Variants in PTPN4 observed in about 807,000 individuals in gnomAD.
PTPN4 encodes the protein protein tyrosine phosphatase non-receptor type 4, also known as tyrosine-protein phosphatase non-receptor type 4.
Under a neutral mutation model 135.5 loss-of-function variants are expected in PTPN4, and 49 were observed. The observed-to-expected ratio is 0.36, with a 90% CI of 0.29 to 0.46. The LOEUF (loss-of-function observed/expected upper bound fraction) is 0.46. PTPN4 is among the 20% of genes least tolerant of loss of function. The pLI is 1.00. For synonymous variants in PTPN4, 333 were observed against 369.9 expected (o/e 0.90, Z 1.14); for missense variants, 860 against 1,101.0 (o/e 0.78, Z 3.10).
intron 2 of PTPN4, among the ~76,000 whole-genome samples, chr2:119,822,362 C>A (rs901675534): frequency 3.1e-5 from 4 of 130,434 alleles, no homozygotes; most frequent in Admixed American, 8.2e-5. Context: ...CCCTCCCCCC[C>A]CCTTTTTTTT....
At chr2:119,817,396 C>G (rs907757016) in intron 2 of PTPN4, among the ~76,000 whole-genome samples, 1 of 151,258 alleles carries the variant, frequency 6.6e-6, no homozygotes, top group Non-Finnish European at 1.5e-5. Flanking sequence ...TCTGGCTGCC[C>G]TTAACATATT....
At chr2:119,844,916 G>A (rs1677464524) in intron 2 of PTPN4, among the ~76,000 whole-genome samples, 1 of 151,480 alleles carries the variant, frequency 6.6e-6, no homozygotes, top group Non-Finnish European at 1.5e-5. Context: ...GGGAGGTGTA[G>A]GTTGTAGTGA....
At chr2:119,905,645 A>C (rs1470050231) in intron 10 of PTPN4, among the ~76,000 whole-genome samples, 1 of 152,218 alleles carries the variant, frequency 6.6e-6, no homozygotes, top group Non-Finnish European at 1.5e-5. Flanking sequence ...CATTTTATCC[A>C]ACAGCTGCAG....
At chr2:119,899,443 A>G (rs959998155) in intron 9 of PTPN4, among the ~76,000 whole-genome samples, 8 of 151,760 alleles carry the variant, frequency 5.3e-5, no homozygotes, top group Non-Finnish European at 2.9e-5. Flanking sequence ...GGTTTTATGA[A>G]TTTTTTTTCC....
At chr2:119,928,853 C>CA (rs1553469563) in intron 13 of PTPN4, among the ~76,000 whole-genome samples, 4 of 151,858 alleles carry the variant, frequency 2.6e-5, no homozygotes, top group Non-Finnish European at 1.5e-5. Flanking sequence ...AGTACCAGAT[C>CA]GTAGGCATAT....
intron 2 of PTPN4, among the ~76,000 whole-genome samples, chr2:119,844,125 G>A (rs1224684753): frequency 3.9e-4 from 27 of 69,240 alleles, no homozygotes; most frequent in East Asian, 4.9e-4. Context: ...CCTCCCTCCC[G>A]GACGGGGCGG....
Position 119,977,020 on chromosome 2 carries a change from G to A in PTPN4, c.2731G>A (p.Val911Ile), listed in dbSNP as rs1679627628. Residue 911 changes from valine to isoleucine, a missense_variant, in exon 27 of 27, where the codon GTT becomes ATT. This residue lies in a region of PTPN4 where 176 missense variants were observed against 294.1 expected (regional missense o/e 0.60). Transcript: ENST00000263708. ...ATTTGTATGTGAAGCTATTTTGAAA[G>A]TTTATGAAGAAGGCTTTGTTAAACC... ...YRFVCEAILK[V>I]YEEGFVKPLT... 3 of 1,608,060 alleles carry A rather than the reference G, an allele frequency of 1.9e-6. No homozygotes were observed. Among genetic ancestry groups the A allele is most frequent in the East Asian group, 2.2e-5 (1 of 44,676 alleles).
At chr2:119,932,018 G>A (rs1349593973) in intron 13 of PTPN4, among the ~76,000 whole-genome samples, 1 of 152,174 alleles carries the variant, frequency 6.6e-6, no homozygotes, top group Non-Finnish European at 1.5e-5. Flanking sequence ...GAGATAATGT[G>A]CGAGGAGTTA....
At chr2:119,828,158 C>T (rs1677171735) in intron 2 of PTPN4, among the ~76,000 whole-genome samples, 1 of 152,196 alleles carries the variant, frequency 6.6e-6, no homozygotes, top group Non-Finnish European at 1.5e-5. Context: ...TATGTCAGTG[C>T]TCTGGTCATT....
intron 23 of PTPN4, 111 bp downstream of exon 23, chr2:119,961,064 T>G (rs1431866223): frequency 8.3e-7 from 1 of 1,210,510 alleles, no homozygotes; most frequent in East Asian, 2.6e-5. Flanking sequence ...TTAATCTTCT[T>G]TTCTTGTGGT....
At chr2:119,959,473 C>T (rs72840429) in intron 22 of PTPN4, among the ~76,000 whole-genome samples, 3,650 of 152,284 alleles carry the variant, frequency 0.024, 64 homozygotes, top group Non-Finnish European at 0.033. Context: ...GGCGCAGTAG[C>T]GCATTCCTGT....
intron 11 of PTPN4, among the ~76,000 whole-genome samples, chr2:119,919,364 A>G (rs1422836974): frequency 2.0e-5 from 3 of 152,214 alleles, no homozygotes; most frequent in Non-Finnish European, 4.4e-5. Flanking sequence ...GATATTTTAA[A>G]TTAGGAATAT....
intron 10 of PTPN4, among the ~76,000 whole-genome samples, chr2:119,907,000 C>T (rs183156406): frequency 2.0e-5 from 3 of 152,246 alleles, no homozygotes; most frequent in Admixed American, 6.5e-5. Context: ...ACATCTGTTA[C>T]GTTTCTGTAC....
chr2:119,892,336 A>G (rs1678252581), intron 9 of PTPN4, among the ~76,000 whole-genome samples: 1 of 152,214 alleles, frequency 6.6e-6, no homozygotes. Flanking sequence ...ACGTGTATGT[A>G]TGTGTGTAAA....
At chr2:119,921,891 C>G (rs1678741859) in intron 12 of PTPN4, among the ~76,000 whole-genome samples, 1 of 152,142 alleles carries the variant, frequency 6.6e-6, no homozygotes, top group Non-Finnish European at 1.5e-5. Context: ...TATACAAGGA[C>G]TACTCTTACC....
chr2:119,947,627 T>C lies in PTPN4; in HGVS notation c.1656+1053T>C, dbSNP rs182861820. On this transcript the variant is annotated intron_variant, in intron 18 of 26. Transcript: ENST00000263708. Reference sequence around the variant, plus strand: ...TCATCTGTTTCTTTTTATGTGATTGTTTGATTCCTCTCAGTGTGAATGAAT... The same window carrying C: ...TCATCTGTTTCTTTTTATGTGATTGCTTGATTCCTCTCAGTGTGAATGAAT... Among the ~76,000 whole-genome samples, 632 of 152,198 alleles carry C rather than the reference T, an allele frequency of 4.2e-3. 4 individuals are homozygous for C. Among genetic ancestry groups the C allele is most frequent in the Non-Finnish European group, 6.9e-3 (469 of 67,974 alleles).
At chr2:119,773,697 C>T (rs1340729969) in intron 1 of PTPN4, among the ~76,000 whole-genome samples, 2 of 146,832 alleles carry the variant, frequency 1.4e-5, no homozygotes, top group Non-Finnish European at 3.0e-5. Context: ...GATCGCACCA[C>T]TGCACTCCAG....
intron 13 of PTPN4, among the ~76,000 whole-genome samples, chr2:119,929,099 C>G (rs1328844886): frequency 6.6e-6 from 1 of 152,054 alleles, no homozygotes; most frequent in Non-Finnish European, 1.5e-5. Flanking sequence ...TCAGATAACT[C>G]TCTTCCTTTT....
intron 1 of PTPN4, among the ~76,000 whole-genome samples, chr2:119,760,721 CTGG>C (rs1354323838): frequency 1.6e-5 from 2 of 126,372 alleles, no homozygotes; most frequent in Non-Finnish European, 3.2e-5. Context: ...TTTTCCATTG[CTGG>C]TAGAATTCCT....
Sources: allele counts gnomAD v4.1 joint callset (sites outside exome capture counted in the v4.1 genomes callset), GRCh38; gene constraint gnomAD v4.1.1; regional missense constraint gnomAD v4.1.1; transcripts MANE v1.5; gene names NCBI Gene and HGNC (gene_info 2026-07-23, HGNC 2026-07-21).